LRP1B: variants seen among roughly 807,000 people sequenced by gnomAD.
LRP1B encodes LDL receptor related protein 1B.
A neutral mutation model predicts 556.6 loss-of-function variants in LRP1B; 217 were observed. The observed-to-expected ratio is 0.39, with a 90% CI of 0.35 to 0.44. The LOEUF (loss-of-function observed/expected upper bound fraction) is 0.44, where lower values mean the gene tolerates loss of function less well. LRP1B is among the 20% of genes least tolerant of loss of function. The pLI is 1.00. For missense variants in LRP1B, 5,053 were observed against 5,620.8 expected, an observed-to-expected ratio of 0.90 and a Z score of 3.23; for synonymous variants, 2,047 against 1,865.8, an observed-to-expected ratio of 1.10 and a Z score of -2.50.
At position 140,297,969 on chromosome 2, in the gene LRP1B, C is replaced by A. The variant is rs2105001337; in HGVS notation, c.12806G>T (p.Gly4269Val). The A allele has an allele frequency of 6.3e-7, 1 of 1,587,970 alleles. No homozygotes were observed. Among genetic ancestry groups the A allele is most frequent in the Non-Finnish European group, 8.6e-7 (1 of 1,162,692 alleles). The change falls in exon 84 of 91, where the codon GGG becomes GTG. Residue 4269 changes from glycine to valine, a missense_variant and splice_region_variant. This residue lies in a region of LRP1B where 551 missense variants were observed against 592.0 expected (regional missense o/e 0.93). Transcript: ENST00000389484. ...NGGTCVPSVL[G>V]RPTCSCALGF... ...CAGTGCACAGCTGCAGGTGGGTCTCCCTATTGGAAACAATAAGTAATAAAA... is the reference window on the plus strand; with the variant it reads ...CAGTGCACAGCTGCAGGTGGGTCTCACTATTGGAAACAATAAGTAATAAAA...
intron 1 of LRP1B, among the ~76,000 whole-genome samples, chr2:141,850,622 C>CTGTGTGTGTG (rs70994458): frequency 0.12 from 17,034 of 141,010 alleles, 1,080 homozygotes; most frequent in Non-Finnish European, 0.14. Context: ...AGCATAAACT[C>CTGTGTGTGTG]TGTGTGTGTG....
intron 43 of LRP1B, among the ~76,000 whole-genome samples, chr2:140,589,289 T>C (rs531792998): frequency 2.0e-5 from 3 of 152,118 alleles, no homozygotes; most frequent in African/African-American, 4.8e-5. Context: ...ACAAACCACA[T>C]AGCCAACAAA....
chr2:140,456,449 A>T lies in LRP1B; in HGVS notation c.9963+6T>A, dbSNP rs2105321687. ...TCTATAATAAGATTCCCAGACCTCC[A>T]CTCACCTGGCTGGCTGTGCAGTTGG... On this transcript the variant is annotated splice_donor_region_variant and intron_variant, in intron 62 of 90. Coordinates refer to ENST00000389484, the MANE Select transcript of LRP1B (RefSeq NM_018557.3). 6.2e-7 allele frequency: 1 copy of T among 1,611,748 alleles called. No individual in the cohort carries two copies. Among genetic ancestry groups the T allele is most frequent in the Non-Finnish European group, 8.5e-7 (1 of 1,178,822 alleles).
intron 35 of LRP1B, among the ~76,000 whole-genome samples, chr2:140,738,977 G>A (rs1253989678): frequency 4.6e-5 from 7 of 152,166 alleles, no homozygotes; most frequent in Non-Finnish European, 2.9e-5. Context: ...GGTCTCTGAT[G>A]TTGCATCACA....
At chr2:140,943,382 T>A (rs1695455031) in intron 20 of LRP1B, among the ~76,000 whole-genome samples, 1 of 151,928 alleles carries the variant, frequency 6.6e-6, no homozygotes, top group Admixed American at 6.6e-5. Context: ...AATTAACAAA[T>A]GAATTCTGTT....
chr2:140,958,200 G>T (rs1323146936), intron 18 of LRP1B, among the ~76,000 whole-genome samples: 2 of 151,138 alleles, frequency 1.3e-5, no homozygotes. Context: ...ACAAACAACA[G>T]GATTAGATCC....
chr2:141,245,636 C>G (rs565241534), intron 5 of LRP1B, among the ~76,000 whole-genome samples: 2 of 152,238 alleles, frequency 1.3e-5, no homozygotes, highest in Non-Finnish European at 2.9e-5. Flanking sequence ...TAATTCACTC[C>G]ACAAAATAAT....
At chr2:141,498,428 T>C (rs1169597241) in intron 2 of LRP1B, among the ~76,000 whole-genome samples, 1 of 151,902 alleles carries the variant, frequency 6.6e-6, no homozygotes, top group African/African-American at 2.4e-5. Context: ...CTGGACCTGT[T>C]CTCTTCAAGA....
chr2:140,428,405 G>C (rs1453990481), intron 66 of LRP1B, among the ~76,000 whole-genome samples: 2 of 152,132 alleles, frequency 1.3e-5, no homozygotes, highest in Non-Finnish European at 2.9e-5. Context: ...CCTCCCCCAG[G>C]AGCTTGCTAC....
At chr2:140,771,283 C>T (rs1689302427) in intron 33 of LRP1B, among the ~76,000 whole-genome samples, 2 of 151,962 alleles carry the variant, frequency 1.3e-5, no homozygotes, top group African/African-American at 2.4e-5. Flanking sequence ...TTTCATAGAC[C>T]TTTGTAATAT....
intron 2 of LRP1B, among the ~76,000 whole-genome samples, chr2:141,673,628 T>C (rs1690761536): frequency 6.6e-6 from 1 of 152,162 alleles, no homozygotes; most frequent in Admixed American, 6.6e-5. Context: ...TTCACGGTTG[T>C]ATAACAATTT....
intron 32 of LRP1B, among the ~76,000 whole-genome samples, chr2:140,803,739 T>C (rs972979686): frequency 2.0e-5 from 3 of 152,138 alleles, no homozygotes; most frequent in Admixed American, 6.5e-5. Flanking sequence ...CTGTAGATCA[T>C]AGTTTACAAA....
chr2:141,048,740 T>A (rs926661583), intron 11 of LRP1B, among the ~76,000 whole-genome samples: 1 of 152,120 alleles, frequency 6.6e-6, no homozygotes, highest in African/African-American at 2.4e-5. Flanking sequence ...ATAGTTCAGT[T>A]TTAATTCCGA....
At chr2:141,956,924 GC>G (rs1349483554) in intron 1 of LRP1B, among the ~76,000 whole-genome samples, 4 of 151,896 alleles carry the variant, frequency 2.6e-5, no homozygotes, top group African/African-American at 9.7e-5. Context: ...CCCTAAAATA[GC>G]CCCCAACTAA....
At chr2:140,671,337 G>A (rs892858965) in intron 41 of LRP1B, among the ~76,000 whole-genome samples, 8 of 152,132 alleles carry the variant, frequency 5.3e-5, no homozygotes, top group Non-Finnish European at 7.4e-5. Flanking sequence ...TGGCTAACAC[G>A]GTGAAACCCC....
intron 83 of LRP1B, among the ~76,000 whole-genome samples, chr2:140,311,289 G>C (rs548954058): frequency 6.6e-6 from 1 of 151,680 alleles, no homozygotes. Flanking sequence ...CGTGTTCAGC[G>C]AATGACTGAC....
intron 2 of LRP1B, among the ~76,000 whole-genome samples, chr2:141,750,106 A>G (rs558527899): frequency 6.8e-4 from 103 of 152,236 alleles, no homozygotes; most frequent in Middle Eastern, 3.4e-3. Context: ...GCAGCTATAC[A>G]TGTCTGGTAT....
At chr2:141,675,362 T>G (rs1235227169) in intron 2 of LRP1B, among the ~76,000 whole-genome samples, 2 of 151,886 alleles carry the variant, frequency 1.3e-5, no homozygotes, top group Non-Finnish European at 2.9e-5. Flanking sequence ...CACATACTAT[T>G]GCTAAGATTG....
chr2:140,410,039 G>GA (rs1168176275), intron 66 of LRP1B, among the ~76,000 whole-genome samples: 3 of 151,698 alleles, frequency 2.0e-5, no homozygotes, highest in Non-Finnish European at 2.9e-5. Flanking sequence ...CTGCATCAGA[G>GA]AAAAAAATGG....
Sources: gnomAD v4.1 joint callset for allele counts (sites outside exome capture counted in the v4.1 genomes callset) on GRCh38, gnomAD v4.1.1 for gene constraint, gnomAD v4.1.1 regional missense constraint, MANE v1.5 for transcripts, NCBI Gene and HGNC (gene_info 2026-07-23, HGNC 2026-07-21) for gene names.